Variants in SUPT3H observed in about 807,000 individuals in gnomAD.
SUPT3H encodes SPT3 homolog, SAGA and STAGA complex component, also known as transcription initiation protein SPT3 homolog.
A neutral mutation model predicts 44.3 loss-of-function variants in SUPT3H; 44 were observed. The ratio of observed to expected loss-of-function variants is 0.99; its 90% CI spans 0.78 to 1.28. The LOEUF (loss-of-function observed/expected upper bound fraction) is 1.28. Among genes scored for constraint, SUPT3H ranks in the 50% most tolerant of loss-of-function variants. The pLI is 0.00. For synonymous variants in SUPT3H, 124 were observed against 125.6 expected (o/e 0.99, Z 0.09); for missense variants, 380 against 387.1 (o/e 0.98, Z 0.15).
chr6:45,122,591 A>G (rs1457055051), intron 2 of SUPT3H, among the ~76,000 whole-genome samples: 2 of 152,174 alleles, frequency 1.3e-5, no homozygotes, highest in African/African-American at 2.4e-5. Flanking sequence ...ACTTCATAAC[A>G]AAGTTAACCT....
intron 10 of SUPT3H, among the ~76,000 whole-genome samples, chr6:44,904,490 G>A (rs967299137): frequency 3.2e-4 from 49 of 152,044 alleles, no homozygotes; most frequent in African/African-American, 1.1e-3. Flanking sequence ...TCAAGGAGAA[G>A]TACAAACCAC....
chr6:45,061,541 C>T (rs778377394), intron 3 of SUPT3H, among the ~76,000 whole-genome samples: 1 of 152,088 alleles, frequency 6.6e-6, no homozygotes, highest in African/African-American at 2.4e-5. Flanking sequence ...ACCACCATGG[C>T]ACAAGTTTAC....
chr6:45,214,193 C>G (rs1328800483), intron 2 of SUPT3H, among the ~76,000 whole-genome samples: 1 of 151,880 alleles, frequency 6.6e-6, no homozygotes, highest in African/African-American at 2.4e-5. Context: ...TTTTCTACAA[C>G]ACCTTATGAA....
intron 3 of SUPT3H, among the ~76,000 whole-genome samples, chr6:45,053,638 C>T (rs920515666): frequency 6.6e-6 from 1 of 150,858 alleles, no homozygotes; most frequent in Non-Finnish European, 1.5e-5. Flanking sequence ...GTGGTTCATG[C>T]CTGTAATCCC....
At chr6:44,930,214 T>TA (rs940091229) in intron 10 of SUPT3H, among the ~76,000 whole-genome samples, 1 of 151,942 alleles carries the variant, frequency 6.6e-6, no homozygotes, top group East Asian at 1.9e-4. Context: ...CCGTCTCTAC[T>TA]AAAAAACACA....
intron 2 of SUPT3H, among the ~76,000 whole-genome samples, chr6:45,344,778 T>A (rs1016411528): frequency 2.0e-5 from 3 of 152,066 alleles, no homozygotes; most frequent in African/African-American, 7.2e-5. Context: ...AGAAATATAC[T>A]TGGTGGACCT....
rs1780601273 is a variant in SUPT3H at position 45,293,298 on chromosome 6, T to G, written c.101+71903A>C. 2.0e-5 allele frequency among the ~76,000 whole-genome samples: 3 copies of G among 152,036 alleles called. 1 individual carries two copies. The South Asian group carries it at 6.2e-4, about 32-fold the overall frequency. ...AATTCTTTGAACTGAATGACAATAG[T>G]GACACAACCTATCAAAACCTCTGGG... On this transcript the variant is annotated intron_variant, in intron 2 of 10. Coordinates refer to ENST00000371459, the MANE Select transcript of SUPT3H (RefSeq NM_003599.4).
intron 9 of SUPT3H, among the ~76,000 whole-genome samples, chr6:44,936,706 C>G (rs991951692): frequency 6.6e-5 from 10 of 152,118 alleles, no homozygotes; most frequent in African/African-American, 2.4e-4. Flanking sequence ...CTTGCTCTGT[C>G]CCCCGGGCTG....
At chr6:45,190,030 G>C (rs1814869288) in intron 2 of SUPT3H, among the ~76,000 whole-genome samples, 1 of 152,104 alleles carries the variant, frequency 6.6e-6, no homozygotes, top group Non-Finnish European at 1.5e-5. Flanking sequence ...TGAATGTTCT[G>C]CACAACAATA....
At chr6:45,367,116 G>A (rs1416854897) in intron 1 of SUPT3H, among the ~76,000 whole-genome samples, 2 of 152,094 alleles carry the variant, frequency 1.3e-5, no homozygotes, top group African/African-American at 2.4e-5. Context: ...AAGCTTTTGA[G>A]AAGGCGACAG....
intron 2 of SUPT3H, among the ~76,000 whole-genome samples, chr6:45,327,267 A>G (rs74579060): frequency 6.6e-6 from 1 of 151,950 alleles, no homozygotes. Context: ...CAAAGCTTCC[A>G]TTAGAAACAA....
chr6:44,866,126 TTA>T (rs144876281), intron 10 of SUPT3H, among the ~76,000 whole-genome samples: 16,136 of 134,530 alleles, frequency 0.12, 1,194 homozygotes, highest in East Asian at 0.26. Context: ...TTTTTTTTTT[TTA>T]AGCAAAGTAG....
chr6:44,838,718 C>T (rs748272884), intron 10 of SUPT3H, among the ~76,000 whole-genome samples: 11 of 152,114 alleles, frequency 7.2e-5, no homozygotes, highest in Non-Finnish European at 1.5e-4. Flanking sequence ...TGAATCACTG[C>T]TTTAGGGCCT....
chr6:44,832,399 C>CTAGT (rs558207731), intron 10 of SUPT3H, among the ~76,000 whole-genome samples: 10 of 152,224 alleles, frequency 6.6e-5, no homozygotes, highest in Admixed American at 6.5e-4. Context: ...ACAGACACTC[C>CTAGT]TAGTTAGTAA....
chr6:45,152,298 T>C (rs1807077687), intron 2 of SUPT3H, among the ~76,000 whole-genome samples: 1 of 152,222 alleles, frequency 6.6e-6, no homozygotes, highest in African/African-American at 2.4e-5. Flanking sequence ...TCAGATCTAT[T>C]AGCAAATCTT....
At chr6:44,967,483 T>C (rs987101928) in intron 6 of SUPT3H, among the ~76,000 whole-genome samples, 1 of 152,216 alleles carries the variant, frequency 6.6e-6, no homozygotes, top group Non-Finnish European at 1.5e-5. Context: ...CAGTGAAAAG[T>C]TTTTATTTCA....
At chr6:45,143,268 C>A (rs184088125) in intron 2 of SUPT3H, among the ~76,000 whole-genome samples, 281 of 152,210 alleles carry the variant, frequency 1.8e-3, no homozygotes, top group African/African-American at 6.6e-3. Context: ...TTCATCAGCA[C>A]ATGGAACGTT....
chr6:45,249,316 A>G (rs1771945122), intron 2 of SUPT3H, among the ~76,000 whole-genome samples: 2 of 152,198 alleles, frequency 1.3e-5, no homozygotes, highest in Admixed American at 1.3e-4. Context: ...GTAAGCAAAC[A>G]TTACATGCTC....
At chr6:44,954,966 T>C (rs183684364) in intron 7 of SUPT3H, among the ~76,000 whole-genome samples, 1 of 152,338 alleles carries the variant, frequency 6.6e-6, no homozygotes, top group Non-Finnish European at 1.5e-5. Flanking sequence ...GATGTTCTTG[T>C]CTGATGTAAC....
Sources: allele counts gnomAD v4.1 joint callset (sites outside exome capture counted in the v4.1 genomes callset), GRCh38; gene constraint gnomAD v4.1.1; transcripts MANE v1.5; gene names NCBI Gene and HGNC (gene_info 2026-07-23, HGNC 2026-07-21).